PSEN2: variants seen among roughly 807,000 people sequenced by gnomAD.
The protein encoded by PSEN2 is presenilin-2.
A neutral mutation model predicts 49.1 loss-of-function variants in PSEN2; 32 were observed. That is an observed-to-expected ratio of 0.65 (90% confidence interval 0.49 to 0.88). PSEN2 has a LOEUF of 0.88. Among genes scored for constraint, PSEN2 ranks in the 40% least tolerant of loss-of-function variants. The pLI is 0.00. For missense variants in PSEN2, 522 were observed against 586.9 expected (o/e 0.89, Z 1.14); for synonymous variants, 255 against 244.0 (o/e 1.05, Z -0.42).
chr1:226,882,110 A>T (rs1661041722), intron 4 of PSEN2, 62 bp downstream of exon 4: 1 of 1,593,282 alleles, frequency 6.3e-7, no homozygotes, highest in African/African-American at 1.3e-5. Context: ...TACCTTACAG[A>T]TGAAAACCAG....
chr1:226,894,097 C>G lies in PSEN2; in HGVS notation c.1163C>G (p.Thr388Arg). The G allele has an allele frequency of 6.2e-7, 1 of 1,614,172 alleles. No individual in the cohort carries two copies. The highest frequency in any genetic ancestry group is 2.2e-5 in the East Asian group (1 of 44,884). ...ACGGGCAGCGGGGACTGGAATACCA[C>G]GCTGGCCTGCTTCGTGGCCATCCTC... is the stretch of plus-strand genomic sequence containing the variant. Reference protein sequence around the residue: ...AATGSGDWNTTLACFVAILIG... With the variant: ...AATGSGDWNTRLACFVAILIG... Residue 388 changes from threonine to arginine, a missense_variant, in exon 12 of 13, where the codon ACG (threonine) becomes AGG (arginine). Transcript: ENST00000366783.
chr1:226,894,109 T>C lies in PSEN2; in HGVS notation c.1175T>C (p.Phe392Ser), dbSNP rs1166806703. Residue 392 changes from phenylalanine to serine, a missense_variant, in exon 12 of 13, where the codon TTC becomes TCC. By Grantham distance (155) the Phe-to-Ser change is radical. Transcript: ENST00000366783. ...GACTGGAATACCACGCTGGCCTGCTTCGTGGCCATCCTCATTGTGAGTGGC... is the reference window on the plus strand; with the variant it reads ...GACTGGAATACCACGCTGGCCTGCTCCGTGGCCATCCTCATTGTGAGTGGC... ...SGDWNTTLAC[F>S]VAILIGLCLT... The C allele has an allele frequency of 6.2e-7, 1 of 1,614,050 alleles. No individual in the cohort carries two copies. The highest frequency in any genetic ancestry group is 8.5e-7 in the Non-Finnish European group (1 of 1,179,894).
rs145671982 is a variant in PSEN2 at position 226,894,082 on chromosome 1, G to A, written c.1148G>A (p.Gly383Glu). ...GGCAAGGCGGCTGCCACGGGCAGCG[G>A]GGACTGGAATACCACGCTGGCCTGC... ...LVGKAAATGS[G>E]DWNTTLACFV... Residue 383 changes from glycine (G) to glutamate (E), a missense_variant, in exon 12 of 13, where the codon GGG (glycine) becomes GAG (glutamate). By Grantham distance (98) the Gly-to-Glu change is moderately conservative (BLOSUM62 -2). Coordinates refer to ENST00000366783, the MANE Select transcript of PSEN2 (RefSeq NM_000447.3). 1.2e-6 allele frequency: 2 copies of A among 1,614,106 alleles called. No individual in the cohort carries two copies. The highest frequency in any genetic ancestry group is 1.7e-5 in the Admixed American group (1 of 60,010).
chr1:226,880,758 G>GA (rs1452537475), intron 3 of PSEN2: 11 of 1,612,322 alleles, frequency 6.8e-6, no homozygotes, highest in Non-Finnish European at 9.3e-6. Context: ...ACTACTGTGT[G>GA]AAACCCCACT....
intron 4 of PSEN2, among the ~76,000 whole-genome samples, chr1:226,883,266 C>T (rs1362014499): frequency 5.3e-5 from 8 of 152,130 alleles, no homozygotes; most frequent in Non-Finnish European, 5.9e-5. Flanking sequence ...CTTAGTCACA[C>T]GCAAAGAGAG....
chr1:226,885,815 C>G (rs777226562), intron 6 of PSEN2, 136 bp downstream of exon 6: 2 of 933,816 alleles, frequency 2.1e-6, no homozygotes, highest in Non-Finnish European at 3.3e-6. Context: ...GTACTCCTCC[C>G]CACCCCATCC....
rs7539221 is a variant in PSEN2 at position 226,889,254 on chromosome 1, C to G, written c.787+205C>G. Among the ~76,000 whole-genome samples the G allele has an allele frequency of 4.3e-3, 650 of 152,046 alleles. 4 individuals carry two copies. Among genetic ancestry groups the G allele is most frequent in the African/African-American group, 0.014 (589 of 41,442 alleles). ...AACACTCCTGGTGGTCTAGATAAAA[C>G]GCAGTAGTCACTGAGCTCCTCATTT... On this transcript the variant is annotated intron_variant, in intron 8 of 12. Transcript: ENST00000366783.
chr1:226,872,292 G>A (rs1391096418), intron 2 of PSEN2, among the ~76,000 whole-genome samples: 17 of 152,290 alleles, frequency 1.1e-4, no homozygotes, highest in Middle Eastern at 3.4e-3. Context: ...TCGCTTATGA[G>A]TTGGTCATAA....
At chr1:226,883,667 G>A (rs1661141514) in intron 4 of PSEN2, 38 bp from the exon 5 acceptor site, 2 of 1,595,260 alleles carry the variant, frequency 1.3e-6, no homozygotes, top group Non-Finnish European at 1.7e-6. Context: ...GCTGCCGTGG[G>A]GGACATTCTG....
downstream of PSEN2, chr1:226,898,303 T>TC (rs1348118317): frequency 7.9e-5 from 12 of 152,222 alleles, no homozygotes; most frequent in African/African-American, 2.7e-4. Context: ...GTTCTACTGT[T>TC]TATATGCTAT....
In PSEN2 at chr1:226,888,104, G is replaced by A; in HGVS notation, c.512G>A (p.Trp171Ter). Residue 171 changes from tryptophan (W) to a stop codon, truncating the protein, a stop_gained, in exon 7 of 13, where the codon TGG (tryptophan) becomes TAG (stop). Transcript: ENST00000366783. LOFTEE classifies it high-confidence loss of function. ...TCTGTTGTCTAGTTCATCCATGGCT[G>A]GTTGATCATGTCTTCACTGATGCTG... ...KYRCYKFIHG[W>*]LIMSSLMLLF... 1 of 1,613,724 alleles carries A rather than the reference G, an allele frequency of 6.2e-7. No individual in the cohort carries two copies. Among genetic ancestry groups the A allele is most frequent in the Non-Finnish European group, 8.5e-7 (1 of 1,179,598 alleles).
intron 12 of PSEN2, among the ~76,000 whole-genome samples, chr1:226,902,469 C>T (rs1662348278): frequency 6.6e-6 from 1 of 152,090 alleles, no homozygotes; most frequent in South Asian, 2.1e-4. Flanking sequence ...TAGGGAAGAC[C>T]TCCCCTTGCT....
intron 9 of PSEN2, 53 bp from the exon 10 acceptor site, chr1:226,891,225 C>A: frequency 6.5e-7 from 1 of 1,533,490 alleles, no homozygotes; most frequent in Non-Finnish European, 9.0e-7. Context: ...CCAGGCCCTG[C>A]AGGCAGCCAC....
chr1:226,895,829 C>A lies in PSEN2; in HGVS notation c.*250C>A. The stretch of plus-strand genomic sequence containing the variant: ...AGCACAGCAGGTTTATCCAGATGAA[C>A]TGAGAAGGTCAGATTAGGGCGGGGA... On this transcript the variant is annotated 3_prime_UTR_variant, in exon 13 of 13. Coordinates refer to ENST00000366783, the MANE Select transcript of PSEN2 (RefSeq NM_000447.3). 1.8e-6 allele frequency: 1 copy of A among 560,452 alleles called. No individual in the cohort carries two copies. The highest frequency in any genetic ancestry group is 3.2e-6 in the Non-Finnish European group (1 of 313,262). 34.7% of individuals were successfully genotyped at this position (560,452 alleles called of 1,614,324 possible). A position where few individuals can be genotyped will look rare whatever the true frequency, so the allele number is the denominator to read the frequency against.
At chr1:226,884,995 G>T (rs1661258802) in intron 5 of PSEN2, among the ~76,000 whole-genome samples, 1 of 152,152 alleles carries the variant, frequency 6.6e-6, no homozygotes, top group African/African-American at 2.4e-5. Context: ...CGCAGAACAG[G>T]TGAAAGCATG....
downstream of PSEN2, chr1:226,897,793 C>T (rs1017336838): frequency 5.8e-5 from 9 of 155,466 alleles, no homozygotes; most frequent in African/African-American, 9.6e-5. Flanking sequence ...GCCTCCGCCT[C>T]CTGTCCTGAA....
chr1:226,880,397 T>C (rs1660898311), intron 3 of PSEN2: 9 of 801,284 alleles, frequency 1.1e-5, no homozygotes, highest in Non-Finnish European at 1.6e-5. Context: ...ATAAAAAAAA[T>C]CACATATATT....
At chr1:226,880,741 A>C (rs1156593769) in intron 3 of PSEN2, 2 of 1,610,410 alleles carry the variant, frequency 1.2e-6, no homozygotes, top group Non-Finnish European at 1.7e-6. Flanking sequence ...TGGGTCCCCC[A>C]CTTGGTACTA....
chr1:226,895,643 T>C lies in PSEN2; in HGVS notation c.*64T>C, dbSNP rs1662100126. On this transcript the variant is annotated 3_prime_UTR_variant, in exon 13 of 13. Coordinates refer to ENST00000366783, the MANE Select transcript of PSEN2 (RefSeq NM_000447.3). ...TTTCATTGGATGCAGTTGTATAGTT[T>C]TACACTCTAGTGCCATATATTTTTA... The C allele has an allele frequency of 6.6e-7, 1 of 1,524,556 alleles. No individual in the cohort carries two copies. The highest frequency in any genetic ancestry group is 2.4e-5 in the East Asian group (1 of 42,036). 94.4% of individuals were successfully genotyped at this position (1,524,556 alleles called of 1,614,324 possible).
Sources: allele counts gnomAD v4.1 joint callset (sites outside exome capture counted in the v4.1 genomes callset), GRCh38; gene constraint gnomAD v4.1.1; transcripts MANE v1.5; gene names NCBI Gene and HGNC (gene_info 2026-07-23, HGNC 2026-07-21).